Variants in FIS1 observed in about 807,000 individuals in gnomAD.
The protein encoded by FIS1 is fission, mitochondrial 1.
Under a neutral mutation model 21.6 loss-of-function variants are expected in FIS1, and 16 were observed. That is an observed-to-expected ratio of 0.74 (90% CI 0.50 to 1.12). The LOEUF (loss-of-function observed/expected upper bound fraction) is 1.12. Among genes scored for constraint, FIS1 ranks in the 50% most tolerant of loss-of-function variants. The probability of loss-of-function intolerance (pLI) is 0.00; values close to 1 mark genes in which losing one functional copy is unlikely to be tolerated. For synonymous variants in FIS1, 92 were observed against 82.2 expected, an observed-to-expected ratio of 1.12 and a Z score of -0.65; for missense variants, 198 against 190.9, an observed-to-expected ratio of 1.04 and a Z score of -0.22.
chr7:101,244,951 A>T lies in FIS1; in HGVS notation c.45+9T>A. 1 of 1,614,048 alleles carries T rather than the reference A, an allele frequency of 6.2e-7. No homozygotes were observed. The highest frequency in any genetic ancestry group is 8.5e-7 in the Non-Finnish European group (1 of 1,179,950). ...CCTTCCCTTTCCCTCTGTCCGGGCC[A>T]GGCCTCACCAGCAGGTCCTCCACAG... On this transcript the variant is annotated intron_variant, in intron 1 of 4. Coordinates refer to ENST00000223136, the MANE Select transcript of FIS1 (RefSeq NM_016068.3).
chr7:101,243,957 T>C, intron 2 of FIS1, 50 bp downstream of exon 2: 5 of 1,572,746 alleles, frequency 3.2e-6, no homozygotes, highest in Non-Finnish European at 4.3e-6. Context: ...GGGGCCCACA[T>C]CGCAGAGCAG....
At chr7:101,241,802 A>T (rs1466126927) in intron 2 of FIS1, 1 of 151,928 alleles carries the variant, frequency 6.6e-6, no homozygotes, top group Non-Finnish European at 1.5e-5. Flanking sequence ...TCTACTAAAA[A>T]TACAAAATTA....
rs1370831147 is a variant in FIS1, at chr7:101,242,613, T to C, written c.178+1394A>G. Among the ~76,000 whole-genome samples the C allele has an allele frequency of 2.0e-5, 3 of 151,786 alleles. No homozygotes were observed. In the East Asian group the frequency reaches 5.9e-4, roughly 30 times the overall value. On this transcript the variant is annotated intron_variant, in intron 2 of 4. Transcript: ENST00000223136. ...AAGTGATTCTCCTGCCTCAGCCTACTGCGTAGCTGGGATTAAAGGTGTGCG... is the reference window on the plus strand; with the variant it reads ...AAGTGATTCTCCTGCCTCAGCCTACCGCGTAGCTGGGATTAAAGGTGTGCG...
In FIS1 at chr7:101,239,582, C is replaced by A. The variant is rs966556819; in HGVS notation, c.*224G>T. The A allele has an allele frequency of 9.8e-6, 6 of 613,448 alleles. No homozygotes were observed. Among genetic ancestry groups the A allele is most frequent in the Admixed American group, 2.2e-5 (1 of 44,754 alleles). 38.0% of individuals were successfully genotyped at this position (613,448 alleles called of 1,614,324 possible). On this transcript the variant is annotated 3_prime_UTR_variant, in exon 5 of 5. Transcript: ENST00000223136. The stretch of plus-strand genomic sequence containing the variant: ...GCCCCCTGTGCCCAGCGTTCAGAAC[C>A]CACCCCTCCCCTCAACGCAGACACG...
chr7:101,242,045 T>G (rs1193472059), intron 2 of FIS1, among the ~76,000 whole-genome samples: 1 of 152,066 alleles, frequency 6.6e-6, no homozygotes, highest in Non-Finnish European at 1.5e-5. Context: ...GGGTCAGTGA[T>G]CCTCCTGCCT....
At chr7:101,240,962 T>C in intron 2 of FIS1, 56 bp from the exon 3 acceptor site, 1 of 1,559,472 alleles carries the variant, frequency 6.4e-7, no homozygotes, top group Non-Finnish European at 8.8e-7. Flanking sequence ...ACTTTCCTAA[T>C]ACTGTGTCCC....
intron 2 of FIS1, among the ~76,000 whole-genome samples, chr7:101,242,970 C>T (rs1798768788): frequency 6.6e-6 from 1 of 151,806 alleles, no homozygotes; most frequent in African/African-American, 2.4e-5. Context: ...ACTATTTACA[C>T]AGCATTTACA....
intron 1 of FIS1, chr7:101,244,584 G>C (rs1461229940): frequency 8.1e-6 from 3 of 369,638 alleles, no homozygotes; most frequent in African/African-American, 6.3e-5. Context: ...ACTGAGATCT[G>C]GCATGCGATG....
intron 2 of FIS1, chr7:101,241,928 T>G (rs1798756326): frequency 6.6e-6 from 1 of 150,676 alleles, no homozygotes. Context: ...CATTGCACAC[T>G]CAGTCTCGGG....
chr7:101,240,853 C>G lies in FIS1; in HGVS notation c.232G>C (p.Ala78Pro). ...ACCTTGAGCCGGTAGTTCCCCACGG[C>G]CAGGTAGAAGACGTAATCCCGCTGT... ...EEQRDYVFYL[A>P]VGNYRLKEYE... The change falls in exon 3 of 5, where the codon GCC (alanine) becomes CCC (proline). Residue 78 changes from alanine to proline, a missense_variant. Transcript: ENST00000223136. The G allele has an allele frequency of 6.2e-7, 1 of 1,614,076 alleles. No individual in the cohort carries two copies. The highest frequency in any genetic ancestry group is 8.5e-7 in the Non-Finnish European group (1 of 1,180,042).
In FIS1 at chr7:101,244,993, C is replaced by G. The variant is rs1227776647; in HGVS notation, c.12G>C (p.Val4=). The change falls in exon 1 of 5, where the codon GTG becomes GTC. Residue 4 remains valine, a synonymous_variant. Coordinates refer to ENST00000223136, the MANE Select transcript of FIS1 (RefSeq NM_016068.3). MEA[V]LNELVSVEDL... ...CCTCCACAGACACCAGCTCGTTCAG[C>G]ACGGCCTCCATGGCCACTGCCCCCG... is the stretch of plus-strand genomic sequence containing the variant. The G allele has an allele frequency of 2.5e-6, 4 of 1,614,022 alleles. No homozygotes were observed. In the South Asian group the frequency reaches 4.4e-5, roughly 18 times the overall value.
At position 101,239,894 on chromosome 7, in the gene FIS1, A is replaced by G; in HGVS notation, c.371T>C (p.Val124Ala). ...CATGCCTCCCACGATGGCCATGCCC[A>G]CGAGTCCATCTGGGGAAGGAAAGGG... ...IDKAMKKDGL[V>A]GMAIVGGMAL... The change falls in exon 5 of 5, where the codon GTG becomes GCG. Residue 124 changes from valine to alanine, a missense_variant. Val to Ala is a moderately conservative substitution (Grantham distance 64). Transcript: ENST00000223136. 2 of 1,605,520 alleles carry G rather than the reference A, an allele frequency of 1.2e-6. No individual in the cohort carries two copies. The highest frequency in any genetic ancestry group is 1.7e-6 in the Non-Finnish European group (2 of 1,176,006).
Position 101,244,890 on chromosome 7 carries a change from G to T in FIS1, c.45+70C>A, listed in dbSNP as rs373501530. On this transcript the variant is annotated intron_variant, in intron 1 of 4. Transcript: ENST00000223136. ...AAGCCGATGCCGGGAGGAGGGTTCGGCCCCTACCTGACTCTCCTCAGGACC... is the reference window on the plus strand; with the variant it reads ...AAGCCGATGCCGGGAGGAGGGTTCGTCCCCTACCTGACTCTCCTCAGGACC... 2,269 of 1,584,252 alleles carry T rather than the reference G, an allele frequency of 1.4e-3. 6 individuals are homozygous for T. The highest frequency in any genetic ancestry group is 3.7e-3 in the South Asian group (337 of 90,176).
intron 2 of FIS1, 26 bp downstream of exon 2, chr7:101,243,981 G>A (rs541225380): frequency 1.9e-5 from 31 of 1,595,996 alleles, no homozygotes; most frequent in South Asian, 4.4e-5. Context: ...AGATGGCAGC[G>A]GGAAAGGGAG....
At chr7:101,240,673 C>T (rs556053042) in intron 3 of FIS1, among the ~76,000 whole-genome samples, 157 bp downstream of exon 3, 10 of 152,336 alleles carry the variant, frequency 6.6e-5, no homozygotes, top group African/African-American at 1.9e-4. Flanking sequence ...CCCACCCCCT[C>T]GCCACTCTGA....
At chr7:101,242,571 C>A (rs995674771) in intron 2 of FIS1, among the ~76,000 whole-genome samples, 1 of 151,002 alleles carries the variant, frequency 6.6e-6, no homozygotes, top group African/African-American at 2.4e-5. Context: ...TCACTGCAAC[C>A]TCTGTCTCCC....
chr7:101,240,527 C>A (rs550687764), intron 3 of FIS1, among the ~76,000 whole-genome samples: 2 of 152,290 alleles, frequency 1.3e-5, no homozygotes, highest in South Asian at 2.1e-4. Context: ...GCCCTGGGGG[C>A]TCCTCCCTCG....
chr7:101,244,798 A>G (rs1228760048), intron 1 of FIS1, 162 bp downstream of exon 1: 7 of 780,026 alleles, frequency 9.0e-6, no homozygotes, highest in Admixed American at 6.9e-5. Flanking sequence ...GCGGCATAGC[A>G]GGCCCTCCGG....
intron 1 of FIS1, chr7:101,244,441 C>T (rs920977193): frequency 2.5e-6 from 1 of 403,968 alleles, no homozygotes; most frequent in Non-Finnish European, 4.6e-6. Flanking sequence ...ACAGTAAACA[C>T]GCTGTCAGAA....
Sources: allele counts gnomAD v4.1 joint callset (sites outside exome capture counted in the v4.1 genomes callset), GRCh38; gene constraint gnomAD v4.1.1; transcripts MANE v1.5; gene names NCBI Gene and HGNC (gene_info 2026-07-23, HGNC 2026-07-21).